Variants in PIK3R3 observed in about 807,000 individuals in gnomAD.
The protein encoded by PIK3R3 is phosphoinositide-3-kinase regulatory subunit 3, also known as phosphatidylinositol 3-kinase regulatory subunit gamma.
PIK3R3 carries 64 observed loss-of-function variants against 62.9 expected under a neutral mutation model. That is an observed-to-expected ratio of 1.02 (90% CI 0.83 to 1.25). The LOEUF (loss-of-function observed/expected upper bound fraction) is 1.25, where lower values mean the gene tolerates loss of function less well. Ranked by LOEUF, PIK3R3 falls within the 50% of genes most tolerant of loss-of-function variation. The pLI is 0.00. For synonymous variants in PIK3R3, 165 were observed against 189.0 expected, an observed-to-expected ratio of 0.87 and a Z score of 1.04; for missense variants, 614 against 561.6, an observed-to-expected ratio of 1.09 and a Z score of -0.94.
At chr1:46,104,018 C>T (rs1013718522) in intron 1 of PIK3R3, among the ~76,000 whole-genome samples, 1 of 152,022 alleles carries the variant, frequency 6.6e-6, no homozygotes, top group East Asian at 1.9e-4. Context: ...CTCTGCTCCC[C>T]GGGTTCAAGC....
Position 46,132,349 on chromosome 1 carries a change from A to G in PIK3R3, c.-397T>C, listed in dbSNP as rs1655690093. 2 of 1,101,246 alleles carry G rather than the reference A, an allele frequency of 1.8e-6. No individual in the cohort carries two copies. Among genetic ancestry groups the G allele is most frequent in the Non-Finnish European group, 1.1e-6 (1 of 897,174 alleles). 68.2% of individuals were successfully genotyped at this position (1,101,246 alleles called of 1,614,324 possible). On this transcript the variant is annotated 5_prime_UTR_variant, in exon 1 of 10. Transcript: ENST00000262741. ...CTTCGAAGGAGGGAGAATGAAGAGG[A>G]AAAAAAAGAACACGTTGGGAGAAAC...
At chr1:46,052,591 A>T (rs1000657658) in intron 7 of PIK3R3, among the ~76,000 whole-genome samples, 3 of 152,184 alleles carry the variant, frequency 2.0e-5, no homozygotes, top group Non-Finnish European at 4.4e-5. Context: ...ACATTTCTAG[A>T]ACCCTTAAAG....
At chr1:46,103,242 A>G (rs186134442) in intron 1 of PIK3R3, among the ~76,000 whole-genome samples, 220 of 152,286 alleles carry the variant, frequency 1.4e-3, no homozygotes, top group Non-Finnish European at 2.4e-3. Context: ...CTGCTTCAAA[A>G]CAATGTTAAT....
chr1:46,171,639 G>A, the PIK3R3 span, among the ~76,000 whole-genome samples: 26 of 152,196 alleles, frequency 1.7e-4, no homozygotes, highest in Admixed American at 1.6e-3. Context: ...CCCAGGGGCT[G>A]TCTGTTCGTG....
At chr1:46,081,516 T>C (rs2149415252) in intron 1 of PIK3R3, among the ~76,000 whole-genome samples, 1 of 152,146 alleles carries the variant, frequency 6.6e-6, no homozygotes, top group South Asian at 2.1e-4. Flanking sequence ...GGGATCGAGG[T>C]TGTGTGATCC....
intron 1 of PIK3R3, chr1:46,105,240 A>C: frequency 2.7e-6 from 1 of 374,104 alleles, no homozygotes; most frequent in South Asian, 4.8e-5. Flanking sequence ...ACGGTGGCTC[A>C]CACCTGTAAT....
chr1:46,112,670 A>G (rs1046753457), intron 1 of PIK3R3, among the ~76,000 whole-genome samples: 6 of 152,140 alleles, frequency 3.9e-5, no homozygotes, highest in African/African-American at 1.2e-4. Flanking sequence ...TTCCATTCTC[A>G]CTGTGATCTC....
In PIK3R3 at chr1:46,044,436, T is replaced by C. The variant is rs1343458605; in HGVS notation, c.1188-565A>G. Among the ~76,000 whole-genome samples the C allele has an allele frequency of 6.6e-6, 1 of 152,172 alleles. No individual in the cohort carries two copies. The highest frequency in any genetic ancestry group is 1.5e-5 in the Non-Finnish European group (1 of 68,022). ...GCAGCCAAGTCCTGAACCTACAGGC[T>C]GCCACCCAATAACCTGAGTGACAGT... On this transcript the variant is annotated intron_variant, in intron 9 of 9. Coordinates refer to ENST00000262741, the MANE Select transcript of PIK3R3 (RefSeq NM_003629.4). This position sits in a 1 kb window ranked among gnomAD's most constrained non-coding sequence, Gnocchi z 4.2.
chr1:46,156,011 G>A, the PIK3R3 span, among the ~76,000 whole-genome samples: 2 of 152,006 alleles, frequency 1.3e-5, no homozygotes, highest in East Asian at 1.9e-4. Context: ...AAAGTTTGTC[G>A]ACCCCTGGTT....
At chr1:46,147,503 T>C in the PIK3R3 span, among the ~76,000 whole-genome samples, 2 of 152,140 alleles carry the variant, frequency 1.3e-5, no homozygotes, top group Admixed American at 6.5e-5. Context: ...CTACAAGCTC[T>C]GCCTCCCGAG....
At chr1:46,059,961 G>A (rs1648319454) in intron 6 of PIK3R3, among the ~76,000 whole-genome samples, 1 of 151,998 alleles carries the variant, frequency 6.6e-6, no homozygotes, top group Non-Finnish European at 1.5e-5. Context: ...TCAGCCGGGT[G>A]TGGTGGCATG....
At chr1:46,066,025 A>G in intron 5 of PIK3R3, 29 bp downstream of exon 5, 3 of 1,592,692 alleles carry the variant, frequency 1.9e-6, no homozygotes, top group Non-Finnish European at 2.6e-6. Context: ...TTGCACACAT[A>G]TTAGTCAAAA....
chr1:46,131,043 G>T lies in PIK3R3; in HGVS notation c.106+804C>A, dbSNP rs372447613. Among the ~76,000 whole-genome samples, 11 of 152,018 alleles carry T rather than the reference G, an allele frequency of 7.2e-5. No individual in the cohort carries two copies. The East Asian group carries it at 1.5e-3, about 21-fold the overall frequency. On this transcript the variant is annotated intron_variant, in intron 1 of 9. Coordinates refer to ENST00000262741, the MANE Select transcript of PIK3R3 (RefSeq NM_003629.4). ...GCTATATATGTATACTTTACATTAC[G>T]TGTATAGGAACACATATGTATATAT...
At chr1:46,077,413 T>C (rs1369757069) in intron 3 of PIK3R3, 102 bp downstream of exon 3, 1 of 501,252 alleles carries the variant, frequency 2.0e-6, no homozygotes, top group East Asian at 3.2e-5. Flanking sequence ...AATGAAAATA[T>C]GAAAAATTGT....
chr1:46,076,343 A>G (rs1480420805), intron 3 of PIK3R3, among the ~76,000 whole-genome samples: 2 of 152,362 alleles, frequency 1.3e-5, no homozygotes, highest in Admixed American at 1.3e-4. Context: ...GAAAATCAGG[A>G]AAGTGTGACG....
At chr1:46,146,627 A>G in the PIK3R3 span, among the ~76,000 whole-genome samples, 11 of 150,676 alleles carry the variant, frequency 7.3e-5, no homozygotes, top group Non-Finnish European at 1.5e-4. Context: ...AGGAGGCTCC[A>G]GTTCTCTCCC....
intron 7 of PIK3R3, among the ~76,000 whole-genome samples, chr1:46,047,590 C>G (rs1233897897): frequency 1.3e-5 from 2 of 152,100 alleles, no homozygotes; most frequent in East Asian, 3.9e-4. Flanking sequence ...AAAGCATCTT[C>G]GTTCATCATT....
the PIK3R3 span, among the ~76,000 whole-genome samples, chr1:46,155,901 T>C: frequency 1.3e-5 from 2 of 152,234 alleles, no homozygotes; most frequent in African/African-American, 4.8e-5. Context: ...TACTCATTCA[T>C]TTACGTATTG....
chr1:46,138,039 T>C, the PIK3R3 span, among the ~76,000 whole-genome samples: 1 of 152,212 alleles, frequency 6.6e-6, no homozygotes, highest in African/African-American at 2.4e-5. Context: ...TCCGCTGCCC[T>C]TTTATTTTAT....
Sources: allele counts gnomAD v4.1 joint callset (sites outside exome capture counted in the v4.1 genomes callset), GRCh38; gene constraint gnomAD v4.1.1; non-coding constraint Gnocchi (gnomAD v3.1); transcripts MANE v1.5; gene names NCBI Gene and HGNC (gene_info 2026-07-23, HGNC 2026-07-21).